DLGAP2: variants seen among roughly 807,000 people sequenced by gnomAD.
DLGAP2 encodes disks large-associated protein 2.
In DLGAP2, 26 loss-of-function variants were observed where a neutral mutation model predicts 100.3. The ratio of observed to expected loss-of-function variants is 0.26; its 90% CI spans 0.19 to 0.36. DLGAP2 has a LOEUF of 0.36. Among genes scored for constraint, DLGAP2 ranks in the 10% least tolerant of loss-of-function variants. DLGAP2 has a pLI of 1.00. For synonymous variants in DLGAP2, 886 were observed against 630.1 expected (o/e 1.41, Z -6.08); for missense variants, 1,858 against 1,453.2 (o/e 1.28, Z -4.53).
intron 2 of DLGAP2, among the ~76,000 whole-genome samples, chr8:1,096,572 G>A (rs192753687): frequency 1.7e-4 from 25 of 151,058 alleles, no homozygotes; most frequent in African/African-American, 5.9e-4. Flanking sequence ...GTCAAGCTGG[G>A]AGCCTAGGGC....
rs1801644285 is a variant in DLGAP2 at position 1,349,217 on chromosome 8, G to A, written c.106+90334G>A. ...GTACGCTCACATTAAATATTAAAAT[G>A]TGGTATTAATGTAGTTGAGATACTT... On this transcript the variant is annotated intron_variant, in intron 3 of 14. Coordinates refer to ENST00000637795, the MANE Select transcript of DLGAP2 (RefSeq NM_001346810.2). Among the ~76,000 whole-genome samples the A allele has an allele frequency of 2.6e-5, 4 of 151,162 alleles. No individual in the cohort carries two copies. The South Asian group carries it at 8.8e-4, about 33-fold the overall frequency.
chr8:1,347,132 C>T (rs924168986), intron 3 of DLGAP2, among the ~76,000 whole-genome samples: 2 of 151,862 alleles, frequency 1.3e-5, no homozygotes, highest in Admixed American at 6.5e-5. Context: ...AGCTGCATTG[C>T]TCTCATGGCG....
chr8:1,673,154 G>A (rs780744419), intron 10 of DLGAP2, among the ~76,000 whole-genome samples: 1 of 152,142 alleles, frequency 6.6e-6, no homozygotes, highest in Non-Finnish European at 1.5e-5. Context: ...CCAGGCTGGA[G>A]TGCAGTGGTG....
chr8:1,540,330 G>A (rs1188025663), intron 4 of DLGAP2, among the ~76,000 whole-genome samples: 1 of 152,202 alleles, frequency 6.6e-6, no homozygotes, highest in Non-Finnish European at 1.5e-5. Flanking sequence ...CCAACTGAAG[G>A]CTTTGGAGCA....
At chr8:777,630 G>A (rs138444867) in intron 1 of DLGAP2, among the ~76,000 whole-genome samples, 33,395 of 151,352 alleles carry the variant, frequency 0.22, 3,855 homozygotes, top group Non-Finnish European at 0.28. Context: ...GGCTGGATAT[G>A]AAATTCTGGG....
At chr8:791,705 A>C (rs1822031161) in intron 1 of DLGAP2, among the ~76,000 whole-genome samples, 1 of 152,220 alleles carries the variant, frequency 6.6e-6, no homozygotes, top group African/African-American at 2.4e-5. Flanking sequence ...CCTTTAAAAA[A>C]CTTTTTTATT....
chr8:880,397 G>C (rs1204726880), intron 1 of DLGAP2, among the ~76,000 whole-genome samples: 9 of 152,358 alleles, frequency 5.9e-5, no homozygotes, highest in Non-Finnish European at 1.0e-4. Flanking sequence ...CTCACACACA[G>C]AGGGTTCTGC....
chr8:1,064,342 C>A (rs1174433643), intron 2 of DLGAP2, among the ~76,000 whole-genome samples: 2 of 152,180 alleles, frequency 1.3e-5, no homozygotes, highest in Non-Finnish European at 2.9e-5. Flanking sequence ...GCAAGAGGTA[C>A]ACACAATTCC....
chr8:1,557,254 C>T (rs1364053431), intron 5 of DLGAP2, among the ~76,000 whole-genome samples: 2 of 152,142 alleles, frequency 1.3e-5, no homozygotes, highest in East Asian at 1.9e-4. Flanking sequence ...AAGACAGACG[C>T]GTGGAACCTT....
At chr8:1,090,158 C>T (rs1247882185) in intron 2 of DLGAP2, among the ~76,000 whole-genome samples, 1 of 140,592 alleles carries the variant, frequency 7.1e-6, no homozygotes, top group Admixed American at 7.0e-5. Flanking sequence ...GCCCTCCTGG[C>T]CAGACAGGGG....
At chr8:1,579,080 T>C (rs1017890338) in intron 6 of DLGAP2, among the ~76,000 whole-genome samples, 6 of 152,366 alleles carry the variant, frequency 3.9e-5, no homozygotes, top group African/African-American at 1.4e-4. Flanking sequence ...TCAATTCTGA[T>C]TGTGATGAAA....
At chr8:1,583,596 C>T (rs1321536145) in intron 6 of DLGAP2, among the ~76,000 whole-genome samples, 2 of 152,172 alleles carry the variant, frequency 1.3e-5, no homozygotes, top group Non-Finnish European at 2.9e-5. Flanking sequence ...AGATGAAAGA[C>T]CCTTCAGAGC....
At chr8:816,226 G>A (rs1351873050) in intron 1 of DLGAP2, among the ~76,000 whole-genome samples, 1 of 149,970 alleles carries the variant, frequency 6.7e-6, no homozygotes, top group African/African-American at 2.4e-5. Flanking sequence ...GTATTGAGAT[G>A]TGAGATACTA....
chr8:1,442,559 G>A (rs1270520020), intron 3 of DLGAP2, among the ~76,000 whole-genome samples: 1 of 142,890 alleles, frequency 7.0e-6, no homozygotes, highest in Non-Finnish European at 1.5e-5. Flanking sequence ...ACGGATCCGG[G>A]CGTAGACCCG....
intron 2 of DLGAP2, among the ~76,000 whole-genome samples, chr8:1,182,351 C>T (rs940642121): frequency 1.3e-5 from 2 of 152,224 alleles, no homozygotes; most frequent in Admixed American, 6.5e-5. Context: ...GTGTGGGATG[C>T]CAGGTGGCTG....
chr8:1,128,661 C>G (rs1349678578), intron 2 of DLGAP2, among the ~76,000 whole-genome samples: 4 of 152,140 alleles, frequency 2.6e-5, no homozygotes, highest in Admixed American at 2.6e-4. Context: ...AGAACCTGTC[C>G]CTGGTGTTAA....
chr8:1,244,344 C>G (rs1798861537), intron 2 of DLGAP2, among the ~76,000 whole-genome samples: 1 of 152,316 alleles, frequency 6.6e-6, no homozygotes, highest in Middle Eastern at 3.4e-3. Context: ...AAAGCATACA[C>G]TATTGGCTGA....
At position 1,419,598 on chromosome 8, in the gene DLGAP2, C is replaced by G. The variant is rs138322670; in HGVS notation, c.107-81768C>G. On this transcript the variant is annotated intron_variant, in intron 3 of 14. Transcript: ENST00000637795. ...ATGTATAAGGTGAGGTGTATGAACA[C>G]ATGCTCCAGTATCCAGCATCGCATC... is the stretch of plus-strand genomic sequence containing the variant. Among the ~76,000 whole-genome samples, 319 of 152,144 alleles carry G rather than the reference C, an allele frequency of 2.1e-3. 3 individuals are homozygous for G. Among genetic ancestry groups the G allele is most frequent in the African/African-American group, 7.4e-3 (306 of 41,476 alleles).
intron 4 of DLGAP2, among the ~76,000 whole-genome samples, chr8:1,522,854 A>G (rs1191194364): frequency 6.6e-6 from 1 of 152,246 alleles, no homozygotes; most frequent in Admixed American, 6.5e-5. Flanking sequence ...AGGCTATTAT[A>G]TGATATGATA....
Sources: gnomAD v4.1 joint callset for allele counts (sites outside exome capture counted in the v4.1 genomes callset) on GRCh38, gnomAD v4.1.1 for gene constraint, MANE v1.5 for transcripts, NCBI Gene and HGNC (gene_info 2026-07-23, HGNC 2026-07-21) for gene names.